Variants in LTBP1 observed in about 807,000 individuals in gnomAD.
LTBP1 encodes the protein latent transforming growth factor beta binding protein 1.
Under a neutral mutation model 207.6 loss-of-function variants are expected in LTBP1, and 129 were observed. The observed-to-expected ratio is 0.62, with a 90% confidence interval of 0.54 to 0.72. The LOEUF is 0.72. Ranked by LOEUF, LTBP1 falls within the 30% of genes least tolerant of loss-of-function variation. The pLI, the probability that LTBP1 is intolerant of heterozygous loss-of-function variation, is 0.00. For missense variants in LTBP1, 2,281 were observed against 2,217.2 expected, an observed-to-expected ratio of 1.03 and a Z score of -0.58; for synonymous variants, 963 against 833.7, an observed-to-expected ratio of 1.16 and a Z score of -2.67.
chr2:33,347,096 C>T (rs374470495), intron 25 of LTBP1, among the ~76,000 whole-genome samples: 17 of 125,904 alleles, frequency 1.4e-4, no homozygotes, highest in South Asian at 5.1e-4. Flanking sequence ...CCAGCCTGGG[C>T]GACAGAGCGA....
At chr2:33,346,783 A>G (rs1343060328) in intron 25 of LTBP1, among the ~76,000 whole-genome samples, 1 of 152,012 alleles carries the variant, frequency 6.6e-6, no homozygotes, top group Non-Finnish European at 1.5e-5. Flanking sequence ...GTGGGCACAT[A>G]CTAGTTTTGC....
intron 24 of LTBP1, among the ~76,000 whole-genome samples, chr2:33,322,015 A>G (rs181583439): frequency 2.1e-4 from 32 of 152,296 alleles, no homozygotes; most frequent in Admixed American, 1.8e-3. Flanking sequence ...TTCTGGAATG[A>G]GTTGCTTTTG....
intron 5 of LTBP1, among the ~76,000 whole-genome samples, chr2:33,158,195 A>G (rs142595451): frequency 6.6e-6 from 1 of 152,058 alleles, no homozygotes; most frequent in Non-Finnish European, 1.5e-5. Flanking sequence ...TATGCATAAA[A>G]CAGAGTATTC....
chr2:33,375,652 T>A (rs1029925356), intron 31 of LTBP1, among the ~76,000 whole-genome samples: 2 of 151,748 alleles, frequency 1.3e-5, no homozygotes, highest in Non-Finnish European at 2.9e-5. Flanking sequence ...CTCAGCCTCC[T>A]GAGTAGCTGG....
chr2:33,217,694 C>A (rs746866426), intron 8 of LTBP1, 40 bp downstream of exon 8: 2 of 1,425,412 alleles, frequency 1.4e-6, no homozygotes, highest in South Asian at 1.2e-5. Context: ...GTTAATGTAG[C>A]ATATCTGTTT....
chr2:33,294,435 G>A (rs2093834559), intron 20 of LTBP1, among the ~76,000 whole-genome samples: 1 of 151,860 alleles, frequency 6.6e-6, no homozygotes, highest in Admixed American at 6.6e-5. Context: ...GACCTCGGGT[G>A]ATCTGCCCAC....
intron 9 of LTBP1, among the ~76,000 whole-genome samples, chr2:33,227,274 G>T (rs935399998): frequency 6.6e-6 from 1 of 152,006 alleles, no homozygotes; most frequent in East Asian, 1.9e-4. Flanking sequence ...CAAATCACCC[G>T]TCTCCACCTC....
chr2:33,010,674 T>C (rs1451821205), intron 2 of LTBP1, among the ~76,000 whole-genome samples: 1 of 152,132 alleles, frequency 6.6e-6, no homozygotes, highest in Admixed American at 6.6e-5. Context: ...AAAAAAAGTT[T>C]TTGAACATTG....
At chr2:33,076,967 A>G (rs1278416018) in intron 3 of LTBP1, among the ~76,000 whole-genome samples, 5 of 152,084 alleles carry the variant, frequency 3.3e-5, no homozygotes, top group Non-Finnish European at 5.9e-5. Context: ...ATGTGTTTTG[A>G]CTGTAAGTGG....
chr2:33,183,406 C>T (rs1216129927), intron 5 of LTBP1, among the ~76,000 whole-genome samples: 5 of 152,132 alleles, frequency 3.3e-5, no homozygotes, highest in Admixed American at 2.0e-4. Context: ...GACCAATCAC[C>T]GACAGGCTTT....
chr2:32,975,551 C>A (rs986868885), intron 2 of LTBP1, among the ~76,000 whole-genome samples: 4 of 137,300 alleles, frequency 2.9e-5, no homozygotes, highest in African/African-American at 1.1e-4. Flanking sequence ...TTCACATAAT[C>A]CCATATTTGT....
chr2:33,323,552 G>T (rs532498347), intron 24 of LTBP1, among the ~76,000 whole-genome samples: 2 of 152,202 alleles, frequency 1.3e-5, no homozygotes, highest in East Asian at 3.9e-4. Flanking sequence ...AAGGAGAATC[G>T]CATGAGCCTG....
rs566038765 is a variant in LTBP1 at position 33,182,739 on chromosome 2, CATAT to C, written c.1202-4112_1202-4109del. ...ACACACACACACACACACACACAGA[CATAT>C]ATATGTATGTATGTGTACACATACA... On this transcript the variant is annotated intron_variant, in intron 5 of 33. Coordinates refer to ENST00000404816, the MANE Select transcript of LTBP1 (RefSeq NM_206943.4). 1.8e-4 allele frequency among the ~76,000 whole-genome samples: 12 copies of C among 68,232 alleles called. 1 individual carries two copies. Among genetic ancestry groups the C allele is most frequent in the African/African-American group, 4.7e-4 (7 of 15,016 alleles). The allele number at this position is 68,232 out of a possible 152,430, so 44.8% of individuals were successfully genotyped here.
intron 19 of LTBP1, among the ~76,000 whole-genome samples, chr2:33,281,395 G>A (rs1281910735): frequency 3.9e-5 from 6 of 152,154 alleles, no homozygotes; most frequent in South Asian, 4.1e-4. Flanking sequence ...CAAGAGGCTC[G>A]TGGAAGAAGA....
At chr2:33,356,050 C>T (rs1395440077) in intron 26 of LTBP1, among the ~76,000 whole-genome samples, 1 of 151,748 alleles carries the variant, frequency 6.6e-6, no homozygotes, top group Non-Finnish European at 1.5e-5. Flanking sequence ...GCTCACTGCA[C>T]AGAAAACCAA....
At chr2:33,352,430 C>T (rs2149847122) in intron 26 of LTBP1, among the ~76,000 whole-genome samples, 1 of 152,234 alleles carries the variant, frequency 6.6e-6, no homozygotes, top group Admixed American at 6.5e-5. Flanking sequence ...GCACCCAACT[C>T]TGTCTATTTA....
intron 7 of LTBP1, among the ~76,000 whole-genome samples, chr2:33,201,641 AAAG>A (rs367681488): frequency 2.3e-3 from 257 of 112,686 alleles, no homozygotes; most frequent in Middle Eastern, 0.02. Flanking sequence ...TAATAAAAAA[AAAG>A]AAGAAGAAAA....
At chr2:33,227,069 T>C (rs1443666569) in intron 9 of LTBP1, among the ~76,000 whole-genome samples, 2 of 151,850 alleles carry the variant, frequency 1.3e-5, no homozygotes, top group African/African-American at 2.4e-5. Flanking sequence ...CGGAGTCTTG[T>C]TTGTTGCCCA....
intron 3 of LTBP1, among the ~76,000 whole-genome samples, chr2:33,080,218 G>A (rs1024781616): frequency 3.3e-5 from 5 of 151,992 alleles, no homozygotes; most frequent in Admixed American, 3.3e-4. Flanking sequence ...GTTGAGATGG[G>A]GGTTTCACCA....
Sources: allele counts gnomAD v4.1 joint callset (sites outside exome capture counted in the v4.1 genomes callset), GRCh38; gene constraint gnomAD v4.1.1; transcripts MANE v1.5; gene names NCBI Gene and HGNC (gene_info 2026-07-23, HGNC 2026-07-21).